SUGCT: variants seen among roughly 807,000 people sequenced by gnomAD.
SUGCT encodes succinyl-CoA:glutarate-CoA transferase, also known as succinyl-CoA:glutarate CoA-transferase.
A neutral mutation model predicts 55.0 loss-of-function variants in SUGCT; 41 were observed. The observed-to-expected ratio is 0.74, with a 90% CI of 0.58 to 0.97. SUGCT has a LOEUF of 0.97. Among genes scored for constraint, SUGCT ranks in the 50% least tolerant of loss-of-function variants. SUGCT has a pLI of 0.00. For synonymous variants in SUGCT, 187 were observed against 200.4 expected, an observed-to-expected ratio of 0.93 and a Z score of 0.56; for missense variants, 568 against 547.8, an observed-to-expected ratio of 1.04 and a Z score of -0.37.
chr7:40,846,691 C>G (rs1316570525), intron 13 of SUGCT, among the ~76,000 whole-genome samples: 6 of 152,114 alleles, frequency 3.9e-5, no homozygotes, highest in Non-Finnish European at 4.4e-5. Flanking sequence ...TTTATAACAC[C>G]ATCTGCTAAA....
chr7:40,554,608 CTT>C (rs1468127436), intron 12 of SUGCT, among the ~76,000 whole-genome samples: 4 of 152,166 alleles, frequency 2.6e-5, no homozygotes, highest in African/African-American at 9.7e-5. Context: ...AAAAAGCTGA[CTT>C]TTACAGAAGA....
chr7:40,767,742 A>C (rs1206402303), intron 13 of SUGCT, among the ~76,000 whole-genome samples: 1 of 152,234 alleles, frequency 6.6e-6, no homozygotes, highest in African/African-American at 2.4e-5. Flanking sequence ...CCTAGCAAAT[A>C]GGTAAGACAG....
intron 9 of SUGCT, among the ~76,000 whole-genome samples, chr7:40,405,004 G>A (rs761791522): frequency 2.6e-5 from 4 of 152,150 alleles, no homozygotes; most frequent in Admixed American, 6.5e-5. Context: ...GGTATGCTGA[G>A]CCAGGGAATG....
chr7:40,483,777 C>T (rs2151492883), intron 11 of SUGCT, among the ~76,000 whole-genome samples: 1 of 152,010 alleles, frequency 6.6e-6, no homozygotes, highest in South Asian at 2.1e-4. Context: ...TTAATTTCTC[C>T]AACTGTGGGA....
Position 40,316,265 on chromosome 7 carries a change from A to G in SUGCT, c.721-495A>G, listed in dbSNP as rs187541659. Among the ~76,000 whole-genome samples, 72 of 152,338 alleles carry G rather than the reference A, an allele frequency of 4.7e-4. No individual in the cohort carries two copies. In the East Asian group the frequency reaches 0.013, roughly 28 times the overall value. On this transcript the variant is annotated intron_variant, in intron 8 of 13. Transcript: ENST00000335693. Reference sequence around the variant, plus strand: ...AAACCTGGCTAAACTGACTTAAATAAAATGGAGGTTTATTATTATTACTTT... The same window carrying G: ...AAACCTGGCTAAACTGACTTAAATAGAATGGAGGTTTATTATTATTACTTT...
chr7:40,439,289 A>T (rs367738282), intron 9 of SUGCT, among the ~76,000 whole-genome samples: 2 of 149,940 alleles, frequency 1.3e-5, no homozygotes, highest in Non-Finnish European at 1.5e-5. Flanking sequence ...TTATTCAGCT[A>T]CTCCCATCGT....
chr7:40,272,273 C>T lies in SUGCT; in HGVS notation c.577-2240C>T, dbSNP rs1480117886. 2.7e-5 allele frequency among the ~76,000 whole-genome samples: 4 copies of T among 146,384 alleles called. No individual in the cohort carries two copies. The East Asian group carries it at 8.1e-4, about 30-fold the overall frequency. On this transcript the variant is annotated intron_variant, in intron 7 of 13. Coordinates refer to ENST00000335693, the MANE Select transcript of SUGCT (RefSeq NM_001193313.2). Reference sequence around the variant, plus strand: ...TTCCAGCCTGGATGGAACTCCTGCACTCAAGTGATCTTTGCACCTCAGACT... The same window carrying T: ...TTCCAGCCTGGATGGAACTCCTGCATTCAAGTGATCTTTGCACCTCAGACT...
chr7:40,726,717 G>C (rs1482538635), intron 12 of SUGCT, among the ~76,000 whole-genome samples: 1 of 152,196 alleles, frequency 6.6e-6, no homozygotes, highest in Non-Finnish European at 1.5e-5. Flanking sequence ...GTCTGTTTTG[G>C]GAGGGCACCG....
chr7:40,513,781 G>A (rs981281679), intron 12 of SUGCT, among the ~76,000 whole-genome samples: 2 of 137,806 alleles, frequency 1.5e-5, no homozygotes, highest in Non-Finnish European at 3.2e-5. Flanking sequence ...GCTCAGGGAA[G>A]TATTTTTTTT....
chr7:40,970,819 T>C, the SUGCT span, among the ~76,000 whole-genome samples: 4 of 151,758 alleles, frequency 2.6e-5, no homozygotes. Flanking sequence ...AAGAAATGAG[T>C]CTTGGGAGAA....
the SUGCT span, among the ~76,000 whole-genome samples, chr7:41,031,921 T>C: frequency 7.2e-5 from 11 of 152,076 alleles, no homozygotes; most frequent in Admixed American, 3.3e-4. Flanking sequence ...TGCAAGCTCA[T>C]GAGTATAGGA....
At chr7:40,910,684 T>G in the SUGCT span, among the ~76,000 whole-genome samples, 5 of 152,148 alleles carry the variant, frequency 3.3e-5, no homozygotes, top group Admixed American at 2.6e-4. Flanking sequence ...CCTCTGCACT[T>G]GCATCCATTG....
chr7:40,317,793 C>T (rs887721529), intron 9 of SUGCT, among the ~76,000 whole-genome samples: 3 of 152,132 alleles, frequency 2.0e-5, no homozygotes, highest in Non-Finnish European at 2.9e-5. Context: ...TTTTTAAAAT[C>T]GGAATTTGAG....
At chr7:40,320,137 C>T (rs972463174) in intron 9 of SUGCT, among the ~76,000 whole-genome samples, 6 of 151,386 alleles carry the variant, frequency 4.0e-5, no homozygotes, top group African/African-American at 1.5e-4. Flanking sequence ...GATAGAGTCT[C>T]GCTCTGTCAC....
intron 12 of SUGCT, among the ~76,000 whole-genome samples, chr7:40,517,480 T>C (rs981153390): frequency 2.0e-5 from 3 of 152,156 alleles, no homozygotes; most frequent in African/African-American, 7.2e-5. Flanking sequence ...GTTTACTGTG[T>C]TCTTTTCATG....
At chr7:40,721,510 A>G (rs1051985643) in intron 12 of SUGCT, among the ~76,000 whole-genome samples, 1 of 152,348 alleles carries the variant, frequency 6.6e-6, no homozygotes, top group East Asian at 1.9e-4. Flanking sequence ...TGGGACTGCA[A>G]TTTAATAAAT....
At chr7:40,473,321 A>T (rs1274413802) in intron 11 of SUGCT, among the ~76,000 whole-genome samples, 1 of 152,204 alleles carries the variant, frequency 6.6e-6, no homozygotes, top group African/African-American at 2.4e-5. Context: ...TCATTTTCTG[A>T]TAGTTGGTTA....
At chr7:40,233,140 G>A (rs1470112730) in intron 6 of SUGCT, among the ~76,000 whole-genome samples, 1 of 151,794 alleles carries the variant, frequency 6.6e-6, no homozygotes, top group African/African-American at 2.4e-5. Context: ...CTGGTAGTCA[G>A]TATTTAAATA....
chr7:40,219,293 C>T (rs1214030742), intron 6 of SUGCT, among the ~76,000 whole-genome samples: 2 of 152,086 alleles, frequency 1.3e-5, no homozygotes, highest in Non-Finnish European at 2.9e-5. Flanking sequence ...CGCGAGGGTC[C>T]GCAGCTTAAT....
Sources: allele counts gnomAD v4.1 joint callset (sites outside exome capture counted in the v4.1 genomes callset), GRCh38; gene constraint gnomAD v4.1.1; transcripts MANE v1.5; gene names NCBI Gene and HGNC (gene_info 2026-07-23, HGNC 2026-07-21).